The following PLEC variants were observed in gnomAD, a reference collection of about 807,000 sequenced individuals.
PLEC encodes hemidesmosomal protein 1.
PLEC carries 216 observed loss-of-function variants against 392.8 expected under a neutral mutation model. The observed-to-expected ratio is 0.55, with a 90% CI of 0.49 to 0.62. PLEC has a LOEUF of 0.62. PLEC is among the 20% of genes least tolerant of loss of function. PLEC has a pLI of 0.00. For missense variants in PLEC, 6,863 were observed against 6,563.4 expected, an observed-to-expected ratio of 1.05 and a Z score of -1.58; for synonymous variants, 3,621 against 2,980.6, an observed-to-expected ratio of 1.21 and a Z score of -7.00.
At chr8:143,926,141 GAGAC>G (rs1457570655) in intron 30 of PLEC, among the ~76,000 whole-genome samples, 14 of 152,248 alleles carry the variant, frequency 9.2e-5, no homozygotes, top group Admixed American at 2.6e-4. Flanking sequence ...ACAGGCGACG[GAGAC>G]AGACGGACGG....
chr8:143,925,690 C>T lies in PLEC; in HGVS notation c.4239G>A (p.Gln1413=), dbSNP rs1824864017. Residue 1413 remains glutamine, a synonymous_variant, in exon 31 of 32, where the codon CAG becomes CAA. Transcript: ENST00000345136. ...RREEAAVDAQ[Q]QKRSIQEELQ... is the part of the protein sequence containing the mutation. ...GCTCCTCCTGAATGCTGCGCTTCTG[C>T]TGCTGCGCGTCCACCGCCGCCTCCT... The T allele has an allele frequency of 1.3e-6, 2 of 1,592,326 alleles. No individual in the cohort carries two copies. Among genetic ancestry groups the T allele is most frequent in the Non-Finnish European group, 8.5e-7 (1 of 1,176,646 alleles).
In PLEC at chr8:143,919,870, G is replaced by A; in HGVS notation, c.9951C>T (p.Leu3317=). ...GLRAPVPASE[L]LASGVLSRAQ... is the part of the protein sequence containing the mutation. ...CTCTGCTGAGGACCCCGGAAGCCAG[G>A]AGCTCGCTGGCTGGCACAGGGGCAC... Residue 3317 remains leucine (L), a synonymous_variant, in exon 32 of 32, where the codon CTC becomes CTT. Transcript: ENST00000345136. The A allele has an allele frequency of 1.2e-6, 2 of 1,613,188 alleles. No individual in the cohort carries two copies. The highest frequency in any genetic ancestry group is 1.7e-6 in the Non-Finnish European group (2 of 1,180,026).
intron 18 of PLEC, 115 bp downstream of exon 18, chr8:143,931,822 A>T: frequency 7.0e-7 from 1 of 1,424,464 alleles, no homozygotes; most frequent in South Asian, 1.2e-5. Flanking sequence ...GGCTGCAGGC[A>T]GCAGCTGGCA....
chr8:143,938,616 G>C lies in PLEC; in HGVS notation c.174+15C>G, dbSNP rs201353064. The C allele has an allele frequency of 9.9e-6, 16 of 1,612,998 alleles. No individual in the cohort carries two copies. In the African/African-American group the frequency reaches 2.1e-4, roughly 21 times the overall value. ...GCCTCAGCCCCTGTGACACGCACCA[G>C]CATGCGCCACCAACCTTGATGAGGT... is the stretch of plus-strand genomic sequence containing the variant. On this transcript the variant is annotated intron_variant, in intron 2 of 31. Coordinates refer to ENST00000345136, the MANE Select transcript of PLEC (RefSeq NM_201384.3).
intron 2 of PLEC, 148 bp from the exon 3 acceptor site, chr8:143,938,388 CGG>C: frequency 6.5e-7 from 1 of 1,535,394 alleles, no homozygotes; most frequent in South Asian, 1.2e-5. Flanking sequence ...CCCTGCCCCA[CGG>C]AGGCACCTAC....
Position 143,923,561 on chromosome 8 carries a change from T to C in PLEC, c.6368A>G (p.Glu2123Gly), listed in dbSNP as rs1554693045. Residue 2123 changes from glutamate to glycine, a missense_variant, in exon 31 of 32, where the codon GAG becomes GGG. Glu to Gly is a moderately conservative substitution (Grantham distance 98). Coordinates refer to ENST00000345136, the MANE Select transcript of PLEC (RefSeq NM_201384.3). ...TGCCTGAGCCCGGGCCTGTGCCTGCTCCTCTGCCGACTGCTTCAGCCGCTC... is the reference window on the plus strand; with the variant it reads ...TGCCTGAGCCCGGGCCTGTGCCTGCCCCTCTGCCGACTGCTTCAGCCGCTC... ...EAERLKQSAEEQAQARAQAQA... is the reference protein window; with the variant it reads ...EAERLKQSAEGQAQARAQAQA... The C allele has an allele frequency of 6.3e-7, 1 of 1,597,442 alleles. No individual in the cohort carries two copies. Among genetic ancestry groups the C allele is most frequent in the Non-Finnish European group, 8.5e-7 (1 of 1,178,074 alleles).
chr8:143,959,285 C>T (rs1269412753), intron 1 of PLEC, among the ~76,000 whole-genome samples: 8 of 152,192 alleles, frequency 5.3e-5, no homozygotes, highest in East Asian at 1.9e-4. Flanking sequence ...TGGCTTCAAA[C>T]GCAGTTAAAA....
upstream of PLEC, among the ~76,000 whole-genome samples, chr8:143,974,544 C>CA (rs1554745406): frequency 6.6e-6 from 1 of 152,224 alleles, no homozygotes; most frequent in Non-Finnish European, 1.5e-5. This position sits in a 1 kb window ranked among gnomAD's most constrained non-coding sequence, Gnocchi z 5.9. Flanking sequence ...CCCCAGGGCT[C>CA]AGCACCTGGC....
rs781876105 is a variant in PLEC at position 143,929,311 on chromosome 8, A to G, written c.3082-30T>C. The G allele has an allele frequency of 1.1e-5, 18 of 1,596,342 alleles. No individual in the cohort carries two copies. The Middle Eastern group carries it at 4.9e-4, about 44-fold the overall frequency. On this transcript the variant is annotated intron_variant, in intron 24 of 31. Transcript: ENST00000345136. ...AAAGACAGGGAGTGGGAACGCACTCATCACCGAGCGCAGCACACAGCGCCC... is the reference window on the plus strand; with the variant it reads ...AAAGACAGGGAGTGGGAACGCACTCGTCACCGAGCGCAGCACACAGCGCCC...
intron 1 of PLEC, among the ~76,000 whole-genome samples, chr8:143,949,504 TC>T (rs1220980211): frequency 6.6e-6 from 1 of 152,088 alleles, no homozygotes; most frequent in Non-Finnish European, 1.5e-5. Context: ...ACAGGACCCG[TC>T]CTGTCCTGTG....
At chr8:143,949,925 G>A (rs540007108) in intron 1 of PLEC, among the ~76,000 whole-genome samples, 7 of 152,230 alleles carry the variant, frequency 4.6e-5, no homozygotes, top group African/African-American at 9.6e-5. Flanking sequence ...GGGAGGGGGC[G>A]CCCCGGGGTG....
rs782509767 is a variant in PLEC at position 143,926,837 on chromosome 8, T to G, written c.3991A>C (p.Ser1331Arg). The change falls in exon 30 of 32, where the codon AGC becomes CGC. Residue 1331 changes from serine (S) to arginine (R), a missense_variant. By Grantham distance (110) the Ser-to-Arg change is moderately radical. Transcript: ENST00000345136. Reference protein sequence around the residue: ...THYSELTTLTSQYIKFISETL... With the variant: ...THYSELTTLTRQYIKFISETL... ...TCGCTGATGAACTTGATGTACTGGC[T>G]CGTCAGTGTGGTCAGCTCGCTGTAG... The G allele has an allele frequency of 6.2e-7, 1 of 1,613,710 alleles. No individual in the cohort carries two copies. The highest frequency in any genetic ancestry group is 1.7e-5 in the Admixed American group (1 of 60,034).
intron 1 of PLEC, among the ~76,000 whole-genome samples, chr8:143,945,027 T>C (rs915724270): frequency 6.6e-6 from 1 of 151,860 alleles, no homozygotes; most frequent in Non-Finnish European, 1.5e-5. Flanking sequence ...AGGTGCGGGC[T>C]CACGTCCCTG....
At chr8:143,943,943 C>CCTG, upstream of PLEC, 1 of 1,588,094 alleles carries the variant, frequency 6.3e-7, no homozygotes, top group Non-Finnish European at 8.5e-7. Flanking sequence ...GAACCGGCTG[C>CCTG]TCCAGGCTAG....
At chr8:143,950,004 T>C (rs1316115687) in intron 1 of PLEC, among the ~76,000 whole-genome samples, 1 of 152,072 alleles carries the variant, frequency 6.6e-6, no homozygotes, top group Non-Finnish European at 1.5e-5. Flanking sequence ...AGGGGCCACA[T>C]GGGCCCATCA....
In PLEC at chr8:143,925,853, C is replaced by T. The variant is rs574482100; in HGVS notation, c.4076G>A (p.Arg1359His). 510 of 1,549,390 alleles carry T rather than the reference C, an allele frequency of 3.3e-4. 2 individuals are homozygous for T. Among genetic ancestry groups the T allele is most frequent in the Middle Eastern group, 2.8e-3 (15 of 5,352 alleles). The change falls in exon 31 of 32, where the codon CGC (arginine) becomes CAC (histidine). Residue 1359 changes from arginine to histidine, a missense_variant. Physicochemically the swap from Arg to His is conservative, Grantham distance 29 (BLOSUM62 0). Coordinates refer to ENST00000345136, the MANE Select transcript of PLEC (RefSeq NM_201384.3). ...RLAEQQRAEE[R>H]ERLAEVEAAL... ...GGCCTCCACCTCGGCCAGCCGCTCGCGCTCCTCTGCCCGCTGCTGCTCAGC... is the reference window on the plus strand; with the variant it reads ...GGCCTCCACCTCGGCCAGCCGCTCGTGCTCCTCTGCCCGCTGCTGCTCAGC...
Position 143,927,946 on chromosome 8 carries a change from C to G in PLEC, c.3307G>C (p.Glu1103Gln), listed in dbSNP as rs1554709038. ...TGCTCCTCGTGGGCCCTGAGCACCTCCTCGGCCCCCTGCGTGCCGCGGATC... is the reference window on the plus strand; with the variant it reads ...TGCTCCTCGTGGGCCCTGAGCACCTGCTCGGCCCCCTGCGTGCCGCGGATC... ...LVIRGTQGAE[E>Q]VLRAHEEQLK... is the part of the protein sequence containing the mutation. The change falls in exon 26 of 32, where the codon GAG becomes CAG. Residue 1103 changes from glutamate (E) to glutamine (Q), a missense_variant. Physicochemically the swap from Glu to Gln is conservative, Grantham distance 29 (BLOSUM62 2). Transcript: ENST00000345136. The G allele has an allele frequency of 6.2e-7, 1 of 1,600,708 alleles. No individual in the cohort carries two copies. Among genetic ancestry groups the G allele is most frequent in the Non-Finnish European group, 8.5e-7 (1 of 1,172,618 alleles).
At chr8:143,948,435 CT>C (rs1554733368) in intron 1 of PLEC, among the ~76,000 whole-genome samples, 1 of 152,232 alleles carries the variant, frequency 6.6e-6, no homozygotes, top group Non-Finnish European at 1.5e-5. Context: ...ATCCGGACCC[CT>C]GTCACTGCCT....
At chr8:143,938,084 G>A (rs941710948) in intron 3 of PLEC, 67 bp downstream of exon 3, 38 of 1,151,860 alleles carry the variant, frequency 3.3e-5, no homozygotes, top group Admixed American at 5.7e-5. Flanking sequence ...AGGCCCCAAG[G>A]AGGGAAGGCA....
Sources: gnomAD v4.1 joint callset for allele counts (sites outside exome capture counted in the v4.1 genomes callset) on GRCh38, gnomAD v4.1.1 for gene constraint, Gnocchi (gnomAD v3.1) non-coding constraint, MANE v1.5 for transcripts, NCBI Gene and HGNC (gene_info 2026-07-23, HGNC 2026-07-21) for gene names.